The following FAM171A1 variants were observed in gnomAD, a reference collection of about 807,000 sequenced individuals.
The protein encoded by FAM171A1 is family with sequence similarity 171 member A1.
FAM171A1 carries 23 observed loss-of-function variants against 74.9 expected under a neutral mutation model. The observed-to-expected ratio is 0.31, with a 90% CI of 0.22 to 0.44. The LOEUF (loss-of-function observed/expected upper bound fraction) is 0.44, where lower values mean the gene tolerates loss of function less well. Ranked by LOEUF, FAM171A1 falls within the 20% of genes least tolerant of loss-of-function variation. The pLI is 1.00. For synonymous variants in FAM171A1, 527 were observed against 505.7 expected (o/e 1.04, Z -0.57); for missense variants, 1,162 against 1,159.2 (o/e 1.00, Z -0.03).
chr10:15,328,527 T>C (rs544720368), intron 1 of FAM171A1, among the ~76,000 whole-genome samples: 1 of 152,322 alleles, frequency 6.6e-6, no homozygotes, highest in African/African-American at 2.4e-5. Context: ...GCGACGCGGA[T>C]ACCTGGAGAA....
intron 6 of FAM171A1, among the ~76,000 whole-genome samples, chr10:15,219,844 T>G (rs925534378): frequency 1.3e-5 from 2 of 152,164 alleles, no homozygotes; most frequent in Admixed American, 1.3e-4. Context: ...CTTCCCAAAG[T>G]GCTGGGATTA....
At chr10:15,364,319 A>G (rs1836033058) in intron 1 of FAM171A1, among the ~76,000 whole-genome samples, 1 of 152,082 alleles carries the variant, frequency 6.6e-6, no homozygotes, top group African/African-American at 2.4e-5. Context: ...GCCACAGCCC[A>G]CTTTTCCTTC....
At chr10:15,298,580 G>A (rs900543475) in intron 1 of FAM171A1, among the ~76,000 whole-genome samples, 9 of 152,076 alleles carry the variant, frequency 5.9e-5, no homozygotes, top group South Asian at 4.1e-4. Flanking sequence ...GTAACTGTTC[G>A]AAAGAAATAA....
At chr10:15,318,583 T>C (rs576229698) in intron 1 of FAM171A1, among the ~76,000 whole-genome samples, 1 of 152,350 alleles carries the variant, frequency 6.6e-6, no homozygotes, top group East Asian at 1.9e-4. Context: ...CCGGAGCTGG[T>C]TCCCATCAGT....
chr10:15,226,129 G>A (rs527969211), intron 5 of FAM171A1, among the ~76,000 whole-genome samples: 2 of 152,344 alleles, frequency 1.3e-5, no homozygotes, highest in East Asian at 3.9e-4. Context: ...AAGGCAAGCA[G>A]GACCCTACAG....
Position 15,254,793 on chromosome 10 carries a change from G to A in FAM171A1, c.505C>T (p.Leu169Phe), listed in dbSNP as rs746899189. The change falls in exon 4 of 8, where the codon CTC becomes TTC. Residue 169 changes from leucine to phenylalanine, a missense_variant. Leu to Phe is a conservative substitution (Grantham distance 22). Transcript: ENST00000378116. ...NTSYSDLTAFLTAASSPSEVD... is the reference protein window; with the variant it reads ...NTSYSDLTAFFTAASSPSEVD... ...TCCGAAGGGGAGCTGGCGGCCGTGA[G>A]AAACGCGGTCAGGTCACTGTAGCTG... The A allele has an allele frequency of 6.2e-7, 1 of 1,614,210 alleles. No homozygotes were observed. The highest frequency in any genetic ancestry group is 2.2e-5 in the East Asian group (1 of 44,880).
Position 15,307,407 on chromosome 10 carries a change from G to T in FAM171A1, c.98-23302C>A, listed in dbSNP as rs938337889. Reference sequence around the variant, plus strand: ...CACCTGTAATCACTGCATTTTGGAAGGTTGAGGCGGGTGGATCACCTGAGG... The same window carrying T: ...CACCTGTAATCACTGCATTTTGGAATGTTGAGGCGGGTGGATCACCTGAGG... On this transcript the variant is annotated intron_variant, in intron 1 of 7. Coordinates refer to ENST00000378116, the MANE Select transcript of FAM171A1 (RefSeq NM_001010924.2). Among the ~76,000 whole-genome samples, 6 of 152,072 alleles carry T rather than the reference G, an allele frequency of 3.9e-5. No individual in the cohort carries two copies. In the East Asian group the frequency reaches 1.2e-3, roughly 29 times the overall value.
At chr10:15,306,861 C>G (rs780663380) in intron 1 of FAM171A1, among the ~76,000 whole-genome samples, 1 of 152,318 alleles carries the variant, frequency 6.6e-6, no homozygotes, top group South Asian at 2.1e-4. Context: ...ACCTTCTCAC[C>G]GGAACTAAGT....
At chr10:15,317,999 T>G (rs1835442701) in intron 1 of FAM171A1, among the ~76,000 whole-genome samples, 1 of 152,196 alleles carries the variant, frequency 6.6e-6, no homozygotes, top group Non-Finnish European at 1.5e-5. Flanking sequence ...CTCACTATGT[T>G]GCCCAGGTTG....
intron 3 of FAM171A1, among the ~76,000 whole-genome samples, chr10:15,255,940 G>A (rs962340016): frequency 3.3e-5 from 5 of 151,614 alleles, no homozygotes; most frequent in African/African-American, 7.3e-5. Flanking sequence ...GAGCCACCGC[G>A]CCTGGCCCAG....
chr10:15,309,668 A>G (rs1282355041), intron 1 of FAM171A1, among the ~76,000 whole-genome samples: 1 of 152,268 alleles, frequency 6.6e-6, no homozygotes, highest in Non-Finnish European at 1.5e-5. Context: ...ATAGCATGTG[A>G]ACTTGAATCT....
At chr10:15,355,304 GGCTC>G (rs1564289341) in intron 1 of FAM171A1, among the ~76,000 whole-genome samples, 6 of 152,104 alleles carry the variant, frequency 3.9e-5, no homozygotes, top group African/African-American at 1.4e-4. Context: ...TGAACTCCTG[GGCTC>G]AAGTGATTCG....
At chr10:15,339,551 T>C (rs1392373785) in intron 1 of FAM171A1, among the ~76,000 whole-genome samples, 1 of 152,212 alleles carries the variant, frequency 6.6e-6, no homozygotes, top group Non-Finnish European at 1.5e-5. Flanking sequence ...TGGAAGACCA[T>C]GGCAGTGAAG....
At chr10:15,232,054 C>T (rs1834213971) in intron 5 of FAM171A1, among the ~76,000 whole-genome samples, 1 of 152,190 alleles carries the variant, frequency 6.6e-6, no homozygotes, top group African/African-American at 2.4e-5. Flanking sequence ...GGTCATGCCA[C>T]TACACTCTAG....
intron 3 of FAM171A1, among the ~76,000 whole-genome samples, chr10:15,271,740 A>C (rs1205277482): frequency 6.6e-6 from 1 of 152,240 alleles, no homozygotes; most frequent in African/African-American, 2.4e-5. Context: ...CAACATTCTT[A>C]AAGAAAAGAA....
chr10:15,289,198 C>T (rs971010855), intron 1 of FAM171A1, among the ~76,000 whole-genome samples: 3 of 152,068 alleles, frequency 2.0e-5, no homozygotes, highest in Admixed American at 6.6e-5. Context: ...TCCATTCAAC[C>T]GCAAACAAAA....
chr10:15,218,512 A>C (rs964520911), intron 6 of FAM171A1, among the ~76,000 whole-genome samples: 2 of 152,204 alleles, frequency 1.3e-5, no homozygotes, highest in Non-Finnish European at 2.9e-5. Context: ...CAATATTAGT[A>C]TAATTTTTTG....
chr10:15,270,268 C>A (rs1834805665), intron 3 of FAM171A1, among the ~76,000 whole-genome samples: 1 of 152,162 alleles, frequency 6.6e-6, no homozygotes, highest in Non-Finnish European at 1.5e-5. Context: ...GCCCATGGAG[C>A]CTCGCTCACT....
At chr10:15,297,511 T>C (rs1165581536) in intron 1 of FAM171A1, among the ~76,000 whole-genome samples, 1 of 152,168 alleles carries the variant, frequency 6.6e-6, no homozygotes, top group African/African-American at 2.4e-5. Flanking sequence ...CTGCTTCCCA[T>C]AAGAAATTTG....
Sources: gnomAD v4.1 joint callset for allele counts (sites outside exome capture counted in the v4.1 genomes callset) on GRCh38, gnomAD v4.1.1 for gene constraint, MANE v1.5 for transcripts, NCBI Gene and HGNC (gene_info 2026-07-23, HGNC 2026-07-21) for gene names.